The following FSD1L variants were observed in gnomAD, a reference collection of about 807,000 sequenced individuals.
FSD1L encodes the protein FSD1-like protein.
In FSD1L, 45 loss-of-function variants were observed where a neutral mutation model predicts 71.6. The ratio of observed to expected loss-of-function variants is 0.63; its 90% CI spans 0.49 to 0.81. The LOEUF is 0.81. Among genes scored for constraint, FSD1L ranks in the 30% least tolerant of loss-of-function variants. The pLI, the probability that FSD1L is intolerant of heterozygous loss-of-function variation, is 0.00. For missense variants in FSD1L, 561 were observed against 618.1 expected, an observed-to-expected ratio of 0.91 and a Z score of 0.98; for synonymous variants, 197 against 207.2, an observed-to-expected ratio of 0.95 and a Z score of 0.42.
At chr9:105,525,916 T>A in intron 10 of FSD1L, 1 of 1,559,208 alleles carries the variant, frequency 6.4e-7, no homozygotes, top group Non-Finnish European at 8.8e-7. Flanking sequence ...GCCTTCTGAT[T>A]CTGATGATTC....
rs552703903 is a variant in FSD1L, at chr9:105,522,332, G to C, written c.1025+9396G>C. The C allele has an allele frequency of 1.3e-3, 2,027 of 1,613,748 alleles. 7 individuals are homozygous for C. The highest frequency in any genetic ancestry group is 3.0e-3 in the Admixed American group (182 of 59,984). ...TACCATTGGATAAGCTGAGTGAACA[G>C]AAACAAAAAAAGCACAAAGGGAAAG... is the stretch of plus-strand genomic sequence containing the variant. On this transcript the variant is annotated intron_variant, in intron 10 of 13. Transcript: ENST00000481272.
intron 7 of FSD1L, among the ~76,000 whole-genome samples, chr9:105,497,724 A>G (rs984616671): frequency 6.6e-6 from 1 of 152,118 alleles, no homozygotes; most frequent in Non-Finnish European, 1.5e-5. Context: ...TTTTGATACT[A>G]GTTATTTGAT....
rs370010543 is a variant in FSD1L, at chr9:105,526,457, A to G, written c.1026-8036A>G. The G allele has an allele frequency of 6.7e-5, 108 of 1,612,562 alleles. 1 individual carries two copies. Among genetic ancestry groups the G allele is most frequent in the South Asian group, 1.6e-4 (15 of 90,996 alleles). On this transcript the variant is annotated intron_variant, in intron 10 of 13. Transcript: ENST00000481272. ...AGATGGGGCTGACCTGGCCTCTCCA[A>G]TGTCTCCTCGAACTAGCAAAAGCCG... is the stretch of plus-strand genomic sequence containing the variant.
At chr9:105,446,711 CTT>C (rs59960095), upstream of FSD1L, among the ~76,000 whole-genome samples, 9 of 139,058 alleles carry the variant, frequency 6.5e-5, no homozygotes, top group Non-Finnish European at 4.6e-5. Flanking sequence ...AGCACGTTAA[CTT>C]TTTTTTTTTT....
chr9:105,444,572 TACAGA>T (rs918505850), upstream of FSD1L, among the ~76,000 whole-genome samples: 2 of 152,172 alleles, frequency 1.3e-5, no homozygotes, highest in African/African-American at 4.8e-5. Context: ...TCAGAGAGGA[TACAGA>T]ACCTGGTTCT....
At chr9:105,482,273 A>G (rs1042570383) in intron 6 of FSD1L, among the ~76,000 whole-genome samples, 3 of 152,216 alleles carry the variant, frequency 2.0e-5, no homozygotes, top group African/African-American at 4.8e-5. Flanking sequence ...GCACATCTCT[A>G]TAACTTTATA....
In FSD1L at chr9:105,506,557, C is replaced by G; in HGVS notation, c.745C>G (p.Arg249Gly). ...TGGACTTCCACGTGTAAAGGATGAG[C>G]GATGCTGGGAGATAATTGATAATAT... ...FDGLPRVKDE[R>G]CWEIIDNIKG... The change falls in exon 8 of 14, where the codon CGA (arginine) becomes GGA (glycine). Residue 249 changes from arginine (R) to glycine (G), a missense_variant. Physicochemically the swap from Arg to Gly is moderately radical, Grantham distance 125 (BLOSUM62 -2). Coordinates refer to ENST00000481272, the MANE Select transcript of FSD1L (RefSeq NM_001145313.3). The G allele has an allele frequency of 6.4e-7, 1 of 1,550,786 alleles. No homozygotes were observed. The highest frequency in any genetic ancestry group is 8.7e-7 in the Non-Finnish European group (1 of 1,146,538).
upstream of FSD1L, among the ~76,000 whole-genome samples, chr9:105,444,391 AG>A (rs1271194786): frequency 1.3e-5 from 2 of 152,234 alleles, no homozygotes; most frequent in Non-Finnish European, 2.9e-5. Context: ...GGTAAGCAGC[AG>A]CATCTGGATT....
intron 10 of FSD1L, chr9:105,522,069 G>A: frequency 1.9e-6 from 3 of 1,613,120 alleles, no homozygotes; most frequent in South Asian, 1.1e-5. Context: ...ACAGTTCCAA[G>A]GGAAAAAAAA....
intron 6 of FSD1L, among the ~76,000 whole-genome samples, chr9:105,479,842 C>G (rs1038965481): frequency 2.0e-5 from 3 of 152,184 alleles, no homozygotes; most frequent in African/African-American, 7.2e-5. Context: ...TCATTCCATC[C>G]TGTTCCTGGT....
rs76577447 is a variant in FSD1L at position 105,470,933 on chromosome 9, T to C, written c.340-971T>C. On this transcript the variant is annotated intron_variant, in intron 4 of 13. Transcript: ENST00000481272. ...TGAAAACTCATCCTGTGCAGAATTC[T>C]GTTCTGTTTTGGACCCAGACCCTTC... Among the ~76,000 whole-genome samples the C allele has an allele frequency of 9.2e-3, 1,405 of 152,340 alleles. 22 individuals carry two copies. The highest frequency in any genetic ancestry group is 0.032 in the African/African-American group (1,346 of 41,564).
intron 7 of FSD1L, among the ~76,000 whole-genome samples, chr9:105,488,951 A>G (rs1185809863): frequency 1.3e-5 from 2 of 151,888 alleles, no homozygotes; most frequent in Non-Finnish European, 2.9e-5. Context: ...ACTATGAATT[A>G]CTCATCATTT....
At chr9:105,521,754 A>T in intron 10 of FSD1L, 1 of 1,613,010 alleles carries the variant, frequency 6.2e-7, no homozygotes, top group Non-Finnish European at 8.5e-7. Flanking sequence ...TTGGGCAAAA[A>T]ACGGCTCCTA....
intron 10 of FSD1L, among the ~76,000 whole-genome samples, chr9:105,517,862 T>G (rs919918355): frequency 2.6e-5 from 4 of 152,168 alleles, no homozygotes; most frequent in Admixed American, 6.5e-5. Context: ...AGACACAGAC[T>G]GGCAAACTGG....
intron 3 of FSD1L, among the ~76,000 whole-genome samples, chr9:105,467,379 A>G (rs926912395): frequency 7.2e-5 from 11 of 152,212 alleles, no homozygotes; most frequent in East Asian, 3.8e-4. Context: ...AATTTCTTCT[A>G]TCTCATAATT....
chr9:105,520,639 T>C, intron 10 of FSD1L: 12 of 1,610,230 alleles, frequency 7.5e-6, no homozygotes, highest in Non-Finnish European at 9.3e-6. Flanking sequence ...CGGGAAGGTG[T>C]TCGTCTTTTC....
At chr9:105,463,983 T>A (rs1830889600) in intron 2 of FSD1L, among the ~76,000 whole-genome samples, 2 of 152,190 alleles carry the variant, frequency 1.3e-5, no homozygotes, top group South Asian at 2.1e-4. Context: ...GTTAAACTGA[T>A]CATTTTCAAT....
At chr9:105,445,299 A>G (rs2812298), upstream of FSD1L, among the ~76,000 whole-genome samples, 43,813 of 151,830 alleles carry the variant, frequency 0.29, 6,451 homozygotes, top group Non-Finnish European at 0.31. Context: ...GACAGAGATC[A>G]GGTGAGGGCA....
chr9:105,469,051 A>G (rs1410157645), intron 4 of FSD1L, among the ~76,000 whole-genome samples: 2 of 152,210 alleles, frequency 1.3e-5, no homozygotes, highest in Non-Finnish European at 2.9e-5. Context: ...TCCACTCAGC[A>G]TAATGTCCTC....
Sources: allele counts gnomAD v4.1 joint callset (sites outside exome capture counted in the v4.1 genomes callset), GRCh38; gene constraint gnomAD v4.1.1; transcripts MANE v1.5; gene names NCBI Gene and HGNC (gene_info 2026-07-23, HGNC 2026-07-21).